The following ZPBP variants were observed in gnomAD, a reference collection of about 807,000 sequenced individuals.
The protein encoded by ZPBP is zona pellucida binding protein, also known as zona pellucida-binding protein 1.
In ZPBP, 26 loss-of-function variants were observed where a neutral mutation model predicts 44.8. The observed-to-expected ratio is 0.58, with a 90% CI of 0.43 to 0.81. The LOEUF (loss-of-function observed/expected upper bound fraction) is 0.81. ZPBP is among the 30% of genes least tolerant of loss of function. The pLI, the probability that ZPBP is intolerant of heterozygous loss-of-function variation, is 0.00. For missense variants in ZPBP, 409 were observed against 434.0 expected (o/e 0.94, Z 0.51); for synonymous variants, 174 against 153.2 (o/e 1.14, Z -1.00).
At chr7:49,858,638 G>A (rs904074495) in intron 2 of ZPBP, among the ~76,000 whole-genome samples, 5 of 151,462 alleles carry the variant, frequency 3.3e-5, no homozygotes, top group South Asian at 2.1e-4. Flanking sequence ...ACACCAACAC[G>A]GCACATGTAT....
chr7:49,863,734 T>C (rs1486878335), intron 2 of ZPBP, among the ~76,000 whole-genome samples: 2 of 152,180 alleles, frequency 1.3e-5, no homozygotes, highest in African/African-American at 4.8e-5. Flanking sequence ...CCTGGTCTGC[T>C]TTTCTATTCT....
chr7:50,009,813 CATAAAA>C (rs1798488500), intron 6 of ZPBP, among the ~76,000 whole-genome samples: 1 of 151,998 alleles, frequency 6.6e-6, no homozygotes, highest in African/African-American at 2.4e-5. Context: ...TATATCAACA[CATAAAA>C]ATAAATTGCA....
At chr7:49,841,970 G>A in the ZPBP span, among the ~76,000 whole-genome samples, 1 of 151,968 alleles carries the variant, frequency 6.6e-6, no homozygotes, top group Non-Finnish European at 1.5e-5. Flanking sequence ...GGGTTCAAGC[G>A]ATTCTCCTGT....
At chr7:50,017,614 T>A (rs1798872035) in intron 6 of ZPBP, among the ~76,000 whole-genome samples, 1 of 152,266 alleles carries the variant, frequency 6.6e-6, no homozygotes, top group African/African-American at 2.4e-5. Flanking sequence ...ATACAATACT[T>A]ATACCTTTAG....
chr7:50,026,091 A>G (rs1324470365), intron 5 of ZPBP, among the ~76,000 whole-genome samples: 2 of 151,882 alleles, frequency 1.3e-5, no homozygotes, highest in Admixed American at 6.6e-5. Context: ...TGCTGGAAAC[A>G]CACTACTCTA....
chr7:49,955,978 T>C (rs1466998019), intron 7 of ZPBP, among the ~76,000 whole-genome samples: 1 of 152,178 alleles, frequency 6.6e-6, no homozygotes, highest in Non-Finnish European at 1.5e-5. Flanking sequence ...TAAAATCCTT[T>C]GCACTTGGAC....
intron 7 of ZPBP, among the ~76,000 whole-genome samples, chr7:49,950,014 G>C (rs1372525648): frequency 6.6e-6 from 1 of 151,766 alleles, no homozygotes; most frequent in Non-Finnish European, 1.5e-5. Flanking sequence ...ATTAGATAAA[G>C]ACCTTTAAGA....
chr7:49,974,234 T>C (rs1796410043), intron 7 of ZPBP, among the ~76,000 whole-genome samples: 1 of 152,172 alleles, frequency 6.6e-6, no homozygotes, highest in South Asian at 2.1e-4. Flanking sequence ...CACAATATTG[T>C]GAATGTACTT....
chr7:49,874,627 C>G (rs1024614318), intron 2 of ZPBP, among the ~76,000 whole-genome samples: 2 of 151,920 alleles, frequency 1.3e-5, no homozygotes, highest in East Asian at 1.9e-4. Context: ...GTTTAGGTGA[C>G]AGGATTGGGG....
intron 2 of ZPBP, among the ~76,000 whole-genome samples, chr7:49,889,456 C>T (rs1171152086): frequency 6.6e-6 from 1 of 152,152 alleles, no homozygotes; most frequent in Non-Finnish European, 1.5e-5. Flanking sequence ...GGAAGAAATG[C>T]ATGAGAGGCA....
At chr7:50,031,742 T>C (rs991032395) in intron 4 of ZPBP, among the ~76,000 whole-genome samples, 2 of 152,158 alleles carry the variant, frequency 1.3e-5, no homozygotes, top group Admixed American at 6.6e-5. Flanking sequence ...TAAAGTCATA[T>C]AATTATGAAC....
chr7:49,852,554 G>T (rs1790223453), intron 2 of ZPBP, among the ~76,000 whole-genome samples: 2 of 152,056 alleles, frequency 1.3e-5, no homozygotes, highest in South Asian at 4.2e-4. Context: ...CATACCTGGG[G>T]ATAATGCTAT....
At chr7:50,006,132 C>T (rs553240230) in intron 6 of ZPBP, among the ~76,000 whole-genome samples, 20 of 151,750 alleles carry the variant, frequency 1.3e-4, no homozygotes, top group African/African-American at 3.1e-4. Flanking sequence ...AACGTGAGAA[C>T]GCCTAAAGAT....
At position 50,093,133 on chromosome 7, in the gene ZPBP, G is replaced by C. The variant is rs773006342; in HGVS notation, c.62C>G (p.Ser21Cys). The C allele has an allele frequency of 1.3e-6, 2 of 1,561,336 alleles. No homozygotes were observed. The highest frequency in any genetic ancestry group is 1.9e-5 in the Admixed American group (1 of 52,750). The change falls in exon 1 of 8, where the codon TCC becomes TGC. Residue 21 changes from serine to cysteine, a missense_variant. By Grantham distance (112) the Ser-to-Cys change is moderately radical. Around this residue, in one of 2 missense-constraint regions of ZPBP, gnomAD observed 367 missense variants for 363.1 expected, o/e 1.01. Transcript: ENST00000046087. ...GAGGATGGCGGCCCGAGAGAGCAGGGAGCCGGCGGCCCGGGTCCGCCGCCT... is the reference window on the plus strand; with the variant it reads ...GAGGATGGCGGCCCGAGAGAGCAGGCAGCCGGCGGCCCGGGTCCGCCGCCT... The part of the protein sequence containing the change: ...RGRRRTRAAG[S>C]LLSRAAILLF...
intron 7 of ZPBP, among the ~76,000 whole-genome samples, chr7:49,954,728 A>T (rs1035152516): frequency 6.6e-6 from 1 of 152,204 alleles, no homozygotes; most frequent in African/African-American, 2.4e-5. Flanking sequence ...AGTTTCAAAT[A>T]TGTGGCAAAA....
intron 3 of ZPBP, among the ~76,000 whole-genome samples, chr7:50,062,350 AGAGCT>A (rs1801285252): frequency 6.6e-6 from 1 of 152,262 alleles, no homozygotes; most frequent in African/African-American, 2.4e-5. Context: ...GAACCAAACA[AGAGCT>A]GGAACAGCCA....
At chr7:50,011,319 G>A (rs974565332) in intron 6 of ZPBP, among the ~76,000 whole-genome samples, 4 of 152,092 alleles carry the variant, frequency 2.6e-5, no homozygotes, top group African/African-American at 7.2e-5. Context: ...AGTTCATGAC[G>A]ATGAATGCAA....
At chr7:50,009,040 C>A (rs1176566518) in intron 6 of ZPBP, among the ~76,000 whole-genome samples, 1 of 151,912 alleles carries the variant, frequency 6.6e-6, no homozygotes, top group East Asian at 1.9e-4. Flanking sequence ...TCAAGACCAG[C>A]CTGGCCATCA....
At chr7:50,067,242 T>C (rs1054691041) in intron 3 of ZPBP, among the ~76,000 whole-genome samples, 1 of 152,186 alleles carries the variant, frequency 6.6e-6, no homozygotes, top group African/African-American at 2.4e-5. Context: ...TTGGTGCCCC[T>C]TGCAGCACAT....
Sources: gnomAD v4.1 joint callset for allele counts (sites outside exome capture counted in the v4.1 genomes callset) on GRCh38, gnomAD v4.1.1 for gene constraint, gnomAD v4.1.1 regional missense constraint, MANE v1.5 for transcripts, NCBI Gene and HGNC (gene_info 2026-07-23, HGNC 2026-07-21) for gene names.